The following PPP2R2B variants were observed in gnomAD, a reference collection of about 807,000 sequenced individuals.
PPP2R2B encodes the protein serine/threonine-protein phosphatase 2A 55 kDa regulatory subunit B beta isoform.
Under a neutral mutation model 46.0 loss-of-function variants are expected in PPP2R2B, and 5 were observed. The ratio of observed to expected loss-of-function variants is 0.11; its 90% CI spans 0.06 to 0.23. PPP2R2B has a LOEUF of 0.23. Ranked by LOEUF, PPP2R2B falls within the 10% of genes least tolerant of loss-of-function variation. The probability of loss-of-function intolerance (pLI) is 1.00; values close to 1 mark genes in which losing one functional copy is unlikely to be tolerated. For synonymous variants in PPP2R2B, 215 were observed against 206.7 expected (o/e 1.04, Z -0.34); for missense variants, 367 against 575.0 (o/e 0.64, Z 3.70).
intron 5 of PPP2R2B, among the ~76,000 whole-genome samples, chr5:146,651,055 A>AT (rs879290835): frequency 2.2e-4 from 33 of 150,020 alleles, no homozygotes; most frequent in African/African-American, 6.4e-4. Context: ...ACATTGTTCT[A>AT]TTTTTTTTTT....
intron 8 of PPP2R2B, among the ~76,000 whole-genome samples, chr5:146,596,788 C>T (rs1020685886): frequency 1.1e-4 from 17 of 152,162 alleles, no homozygotes; most frequent in African/African-American, 4.1e-4. Flanking sequence ...GACAGGAACA[C>T]TAAATAACAG....
intron 2 of PPP2R2B, among the ~76,000 whole-genome samples, chr5:146,747,899 C>T (rs180782809): frequency 2.9e-3 from 443 of 152,090 alleles, no homozygotes; most frequent in African/African-American, 9.4e-3. Context: ...AAAATTAGGA[C>T]GATACGAAGG....
At chr5:146,941,482 G>A (rs1764320668) in intron 1 of PPP2R2B, among the ~76,000 whole-genome samples, 1 of 152,044 alleles carries the variant, frequency 6.6e-6, no homozygotes, top group African/African-American at 2.4e-5. Flanking sequence ...GGAGTCTTTG[G>A]GGCCCTTGAA....
intron 1 of PPP2R2B, among the ~76,000 whole-genome samples, chr5:147,001,896 G>A (rs2151869667): frequency 6.6e-6 from 1 of 152,202 alleles, no homozygotes; most frequent in Admixed American, 6.5e-5. Context: ...CTGTACTTCT[G>A]GGCTGAGCCA....
At chr5:146,919,846 G>A (rs969199642) in intron 1 of PPP2R2B, 1 of 152,290 alleles carries the variant, frequency 6.6e-6, no homozygotes, top group African/African-American at 2.4e-5. Context: ...TTTGTGACTT[G>A]TAATAAGAAA....
intron 2 of PPP2R2B, among the ~76,000 whole-genome samples, chr5:146,866,024 G>A (rs1237292576): frequency 6.6e-6 from 1 of 152,152 alleles, no homozygotes; most frequent in East Asian, 1.9e-4. Context: ...TGGTCTACAG[G>A]CTACTCCTTG....
At chr5:146,667,660 G>T (rs1777090046) in intron 5 of PPP2R2B, among the ~76,000 whole-genome samples, 1 of 151,912 alleles carries the variant, frequency 6.6e-6, no homozygotes, top group South Asian at 2.1e-4. Context: ...AATAGAACAG[G>T]GACTTGGCAA....
chr5:146,939,312 G>A (rs918738816), intron 1 of PPP2R2B, among the ~76,000 whole-genome samples: 3 of 152,146 alleles, frequency 2.0e-5, no homozygotes, highest in African/African-American at 7.2e-5. Context: ...CAGAGGGTCT[G>A]GGGAATGAGA....
intron 1 of PPP2R2B, among the ~76,000 whole-genome samples, chr5:146,931,675 TG>T (rs1763974298): frequency 6.6e-6 from 1 of 152,114 alleles, no homozygotes; most frequent in Non-Finnish European, 1.5e-5. Context: ...GGGAAAAACC[TG>T]GGGATAAGTT....
At chr5:146,692,527 ATTTTTTTTTTT>A (rs34156552) in intron 4 of PPP2R2B, among the ~76,000 whole-genome samples, 1 of 111,066 alleles carries the variant, frequency 9.0e-6, no homozygotes, top group African/African-American at 3.7e-5. Flanking sequence ...TTTTAATTCA[ATTTTTTTTTTT>A]TTTTTTTTTT....
At chr5:147,009,192 G>T (rs911056173) in intron 1 of PPP2R2B, among the ~76,000 whole-genome samples, 2 of 152,132 alleles carry the variant, frequency 1.3e-5, no homozygotes, top group South Asian at 4.1e-4. Context: ...TGATAGCAGT[G>T]AATTCTGTTC....
intron 1 of PPP2R2B, among the ~76,000 whole-genome samples, chr5:146,918,737 TG>T (rs1454394005): frequency 6.6e-6 from 1 of 152,216 alleles, no homozygotes; most frequent in African/African-American, 2.4e-5. Flanking sequence ...TATATTCCCT[TG>T]TAACCACATT....
intron 7 of PPP2R2B, among the ~76,000 whole-genome samples, chr5:146,604,309 T>C (rs921547908): frequency 3.3e-5 from 5 of 152,188 alleles, no homozygotes; most frequent in Admixed American, 2.6e-4. Context: ...ATGTGCAAAA[T>C]TTGTTGAACA....
intron 1 of PPP2R2B, among the ~76,000 whole-genome samples, chr5:146,987,905 C>A (rs930035202): frequency 6.6e-6 from 1 of 151,704 alleles, no homozygotes; most frequent in African/African-American, 2.4e-5. Context: ...CATGCATAGA[C>A]TAAAAGTGAA....
intron 6 of PPP2R2B, among the ~76,000 whole-genome samples, chr5:146,645,555 C>G (rs1211754113): frequency 6.6e-6 from 1 of 152,146 alleles, no homozygotes; most frequent in Admixed American, 6.5e-5. Flanking sequence ...TGGCAGAATC[C>G]CACTGAATTA....
At chr5:146,665,906 T>G (rs1339144341) in intron 5 of PPP2R2B, among the ~76,000 whole-genome samples, 1 of 152,222 alleles carries the variant, frequency 6.6e-6, no homozygotes, top group Non-Finnish European at 1.5e-5. Flanking sequence ...GAGCACATGC[T>G]GCTCGAAAAA....
At chr5:146,940,454 A>T (rs1051895192) in intron 1 of PPP2R2B, among the ~76,000 whole-genome samples, 10 of 151,906 alleles carry the variant, frequency 6.6e-5, no homozygotes, top group Non-Finnish European at 1.3e-4. Flanking sequence ...GTCAGGAGTT[A>T]TACCTACTTG....
intron 2 of PPP2R2B, among the ~76,000 whole-genome samples, chr5:146,817,217 C>T: frequency 6.6e-6 from 1 of 152,134 alleles, no homozygotes; most frequent in East Asian, 1.9e-4. Flanking sequence ...TCCTAAAACT[C>T]AATCAGAATG....
intron 4 of PPP2R2B, among the ~76,000 whole-genome samples, chr5:146,695,605 C>T (rs1779132195): frequency 6.6e-6 from 1 of 152,142 alleles, no homozygotes; most frequent in Non-Finnish European, 1.5e-5. Flanking sequence ...TGGAGTCATT[C>T]TTGACTTTAT....
Sources: allele counts gnomAD v4.1 joint callset (sites outside exome capture counted in the v4.1 genomes callset), GRCh38; gene constraint gnomAD v4.1.1; transcripts MANE v1.5; gene names NCBI Gene and HGNC (gene_info 2026-07-23, HGNC 2026-07-21).